The following CCDC158 variants were observed in gnomAD, a reference collection of about 807,000 sequenced individuals.
CCDC158 encodes the protein coiled-coil domain containing 158, also known as coiled-coil domain-containing protein 158.
CCDC158 carries 116 observed loss-of-function variants against 138.6 expected under a neutral mutation model. The ratio of observed to expected loss-of-function variants is 0.84; its 90% CI spans 0.72 to 0.98. The LOEUF is 0.98. Ranked by LOEUF, CCDC158 falls within the 50% of genes least tolerant of loss-of-function variation. The pLI is 0.00. For missense variants in CCDC158, 1,265 were observed against 1,306.1 expected (o/e 0.97, Z 0.48); for synonymous variants, 436 against 442.4 (o/e 0.99, Z 0.18).
At chr4:76,323,266 G>A (rs777418292) in intron 24 of CCDC158, 36 bp downstream of exon 24, 6 of 1,437,944 alleles carry the variant, frequency 4.2e-6, no homozygotes, top group Non-Finnish European at 5.8e-6. Context: ...ACATTCTCAT[G>A]AGCGAGGAAG....
intron 15 of CCDC158, among the ~76,000 whole-genome samples, chr4:76,354,233 CA>C (rs749565764): frequency 0.24 from 15,683 of 64,308 alleles, 292 homozygotes; most frequent in Middle Eastern, 0.33. Flanking sequence ...TTCCCAAAGG[CA>C]AAAAAAAAAA....
intron 24 of CCDC158, among the ~76,000 whole-genome samples, chr4:76,313,447 G>A (rs549610071): frequency 2.6e-5 from 4 of 152,132 alleles, no homozygotes; most frequent in Admixed American, 6.5e-5. Context: ...AGTGTTTCAG[G>A]TGTTTTATTT....
intron 18 of CCDC158, among the ~76,000 whole-genome samples, chr4:76,350,551 TA>T: frequency 6.6e-6 from 1 of 152,186 alleles, no homozygotes; most frequent in South Asian, 2.1e-4. Flanking sequence ...AAGATTAAAC[TA>T]AAAAATTTCC....
At chr4:76,349,086 GCAA>G (rs1259685678) in intron 18 of CCDC158, among the ~76,000 whole-genome samples, 3 of 152,060 alleles carry the variant, frequency 2.0e-5, no homozygotes, top group East Asian at 1.9e-4. Context: ...CTCCAAAACA[GCAA>G]CAACAAGATT....
chr4:76,415,422 C>T (rs553227086), intron 1 of CCDC158, among the ~76,000 whole-genome samples: 24 of 152,082 alleles, frequency 1.6e-4, no homozygotes, highest in East Asian at 9.7e-4. Flanking sequence ...AAATTCAAGC[C>T]GGCTGCAGAA....
chr4:76,340,754 C>G (rs1721970344), intron 18 of CCDC158, among the ~76,000 whole-genome samples: 1 of 152,032 alleles, frequency 6.6e-6, no homozygotes, highest in Non-Finnish European at 1.5e-5. Context: ...TATAATTATT[C>G]CATTATATAT....
chr4:76,325,518 A>C (rs963231534), intron 23 of CCDC158, among the ~76,000 whole-genome samples: 1 of 152,256 alleles, frequency 6.6e-6, no homozygotes, highest in Non-Finnish European at 1.5e-5. Context: ...ACTGAATAAG[A>C]GCTATGATTT....
intron 2 of CCDC158, among the ~76,000 whole-genome samples, chr4:76,405,967 G>GA (rs1379461406): frequency 1.3e-5 from 2 of 151,824 alleles, no homozygotes; most frequent in African/African-American, 4.8e-5. Flanking sequence ...AGAATGATGT[G>GA]AAAAAAATAC....
intron 16 of CCDC158, 52 bp downstream of exon 16, chr4:76,353,071 G>A (rs373871446): frequency 1.8e-5 from 26 of 1,437,246 alleles, no homozygotes; most frequent in Middle Eastern, 3.6e-4. Flanking sequence ...AATTCTATTT[G>A]GTTAATAACT....
chr4:76,386,476 C>A (rs1053018869), intron 4 of CCDC158, among the ~76,000 whole-genome samples: 2 of 152,204 alleles, frequency 1.3e-5, no homozygotes, highest in Non-Finnish European at 2.9e-5. Context: ...ATTTAAACTC[C>A]CAAAAATTCA....
chr4:76,345,682 T>C (rs1722479002), intron 18 of CCDC158: 1 of 682,856 alleles, frequency 1.5e-6, no homozygotes, highest in Non-Finnish European at 2.7e-6. Flanking sequence ...TTATTAGCTT[T>C]AACTTTAGTT....
At chr4:76,332,917 T>C (rs912651686) in intron 19 of CCDC158, among the ~76,000 whole-genome samples, 2 of 152,200 alleles carry the variant, frequency 1.3e-5, no homozygotes. Context: ...ACTTCTGGCT[T>C]TTCCTCTGCT....
intron 18 of CCDC158, among the ~76,000 whole-genome samples, chr4:76,346,093 A>G (rs1279823499): frequency 6.6e-6 from 1 of 152,234 alleles, no homozygotes; most frequent in African/African-American, 2.4e-5. Flanking sequence ...CCACACATCT[A>G]CAACCATCTG....
chr4:76,315,013 C>G (rs530954623), intron 24 of CCDC158, among the ~76,000 whole-genome samples: 1 of 152,118 alleles, frequency 6.6e-6, no homozygotes, highest in Non-Finnish European at 1.5e-5. Context: ...GTTTATAGCA[C>G]GGGCAAGGTC....
chr4:76,407,107 G>A (rs1728886653), intron 2 of CCDC158: 1 of 151,992 alleles, frequency 6.6e-6, no homozygotes, highest in Admixed American at 6.6e-5. Flanking sequence ...CATGTAACAC[G>A]CTGCTTATCA....
intron 4 of CCDC158, among the ~76,000 whole-genome samples, chr4:76,392,057 C>T (rs981773550): frequency 6.6e-6 from 1 of 151,762 alleles, no homozygotes; most frequent in African/African-American, 2.4e-5. Context: ...AAAGAAGTAA[C>T]ACCAATTATA....
chr4:76,410,778 T>C (rs532729882), intron 2 of CCDC158, among the ~76,000 whole-genome samples: 32 of 152,332 alleles, frequency 2.1e-4, no homozygotes, highest in African/African-American at 7.7e-4. Flanking sequence ...TTGTACTACC[T>C]GAATTGCTGT....
intron 4 of CCDC158, among the ~76,000 whole-genome samples, chr4:76,387,912 C>G (rs1726966444): frequency 6.6e-6 from 1 of 151,422 alleles, no homozygotes; most frequent in Non-Finnish European, 1.5e-5. Context: ...ACTTAGGGGG[C>G]TGAGGCAGGA....
intron 4 of CCDC158, among the ~76,000 whole-genome samples, chr4:76,388,109 C>A (rs964887823): frequency 1.3e-5 from 2 of 152,292 alleles, no homozygotes; most frequent in African/African-American, 4.8e-5. Flanking sequence ...GCCTTGGGCT[C>A]TGAGATGTGC....
Sources: gnomAD v4.1 joint callset for allele counts (sites outside exome capture counted in the v4.1 genomes callset) on GRCh38, gnomAD v4.1.1 for gene constraint, MANE v1.5 for transcripts, NCBI Gene and HGNC (gene_info 2026-07-23, HGNC 2026-07-21) for gene names.